The following CAMK1 variants were observed in gnomAD, a reference collection of about 807,000 sequenced individuals.
CAMK1 encodes calcium/calmodulin dependent protein kinase I.
CAMK1 carries 39 observed loss-of-function variants against 49.1 expected under a neutral mutation model. The observed-to-expected ratio is 0.79, with a 90% CI of 0.62 to 1.04. CAMK1 has a LOEUF of 1.04. Among genes scored for constraint, CAMK1 ranks in the 50% least tolerant of loss-of-function variants. CAMK1 has a pLI of 0.00. For synonymous variants in CAMK1, 192 were observed against 185.2 expected (o/e 1.04, Z -0.30); for missense variants, 457 against 472.2 (o/e 0.97, Z 0.30).
In CAMK1 at chr3:9,763,037, C is replaced by T. The variant is rs1180306959; in HGVS notation, c.306G>A (p.Glu102=). 1 of 1,614,006 alleles carries T rather than the reference C, an allele frequency of 6.2e-7. No individual in the cohort carries two copies. Among genetic ancestry groups the T allele is most frequent in the African/African-American group, 1.3e-5 (1 of 74,910 alleles). ...CTTTTTCCACAATACGGTCAAAGAG[C>T]TCCCCACCCGACACCCTGCAGCAGG... The part of the protein sequence containing the change: ...YLIMQLVSGG[E]LFDRIVEKGF... Residue 102 remains glutamate, a synonymous_variant, in exon 5 of 12, where the codon GAG becomes GAA. Transcript: ENST00000256460.
chr3:9,764,218 G>T (rs1166795766), intron 3 of CAMK1, among the ~76,000 whole-genome samples: 1 of 152,232 alleles, frequency 6.6e-6, no homozygotes, highest in East Asian at 1.9e-4. Flanking sequence ...GATCATGTGA[G>T]ATAATGCAGG....
In CAMK1 at chr3:9,765,748, G is replaced by A; in HGVS notation, c.215+11C>T. 1.2e-6 allele frequency: 2 copies of A among 1,613,640 alleles called. No individual in the cohort carries two copies. The highest frequency in any genetic ancestry group is 1.7e-6 in the Non-Finnish European group (2 of 1,179,884). On this transcript the variant is annotated intron_variant, in intron 3 of 11. Coordinates refer to ENST00000256460, the MANE Select transcript of CAMK1 (RefSeq NM_003656.5). ...TCAGCTTGGGGCAGGGAAAGGCTGTGGCCCACGCACTTGTGCAGGACAGCA... is the reference window on the plus strand; with the variant it reads ...TCAGCTTGGGGCAGGGAAAGGCTGTAGCCCACGCACTTGTGCAGGACAGCA...
intron 1 of CAMK1, 60 bp from the exon 2 acceptor site, chr3:9,767,841 C>A: frequency 6.4e-7 from 1 of 1,554,628 alleles, no homozygotes. Flanking sequence ...TGGGAATTTA[C>A]TGCAGGCCCC....
chr3:9,764,464 CA>C (rs906425408), intron 3 of CAMK1, among the ~76,000 whole-genome samples: 12 of 152,082 alleles, frequency 7.9e-5, no homozygotes, highest in South Asian at 2.1e-4. Flanking sequence ...AGGCATGCGC[CA>C]CCATGTCCAG....
At position 9,758,053 on chromosome 3, in the gene CAMK1, GTATC is replaced by G. The variant is rs1201318331; in HGVS notation, c.913-211_913-208del. ...ACACGCACATATGTTAGATGTATGT[GTATC>G]TATATATATAAATAGAAACATAACT... On this transcript the variant is annotated intron_variant, in intron 10 of 11. Transcript: ENST00000256460. 7 of 647,320 alleles carry G rather than the reference GTATC, an allele frequency of 1.1e-5. No individual in the cohort carries two copies. The East Asian group carries it at 2.1e-4, about 19-fold the overall frequency. 40.1% of individuals were successfully genotyped at this position (647,320 alleles called of 1,614,324 possible). A position where few individuals can be genotyped will look rare whatever the true frequency, so the allele number is the denominator to read the frequency against.
intron 2 of CAMK1, 25 bp from the exon 3 acceptor site, chr3:9,765,915 G>A (rs1178458744): frequency 6.2e-7 from 1 of 1,613,934 alleles, no homozygotes; most frequent in South Asian, 1.1e-5. Context: ...GATTCACAAG[G>A]TGAAGAACTG....
chr3:9,761,122 C>T, intron 7 of CAMK1: 1 of 333,014 alleles, frequency 3.0e-6, no homozygotes, highest in South Asian at 4.1e-5. Context: ...CCTATTCCTG[C>T]TTGGTTTTTC....
chr3:9,758,500 A>AC (rs2125564196), intron 10 of CAMK1: 1 of 155,116 alleles, frequency 6.4e-6, no homozygotes, highest in East Asian at 1.9e-4. Flanking sequence ...TCCTGGATCA[A>AC]CCACTGTTCT....
chr3:9,757,988 C>T lies in CAMK1; in HGVS notation c.913-142G>A. On this transcript the variant is annotated intron_variant, in intron 10 of 11. Transcript: ENST00000256460. This position sits in a 1 kb window ranked among gnomAD's most constrained non-coding sequence, Gnocchi z 4.5. ...TTTTATTAATTCCCCTAAAGCCCCCCAAAAACCTCTACAAGGCTTTATTAT... is the reference window on the plus strand; with the variant it reads ...TTTTATTAATTCCCCTAAAGCCCCCTAAAAACCTCTACAAGGCTTTATTAT... 1.4e-6 allele frequency: 2 copies of T among 1,385,248 alleles called. No individual in the cohort carries two copies. The highest frequency in any genetic ancestry group is 1.9e-6 in the Non-Finnish European group (2 of 1,046,418). 85.8% of individuals were successfully genotyped at this position (1,385,248 alleles called of 1,614,324 possible).
Position 9,758,777 on chromosome 3 carries a change from G to A in CAMK1, c.912+711C>T, listed in dbSNP as rs186976969. 1.3e-3 allele frequency: 285 copies of A among 227,044 alleles called. 3 individuals are homozygous for A. The highest frequency in any genetic ancestry group is 9.5e-3 in the Admixed American group (180 of 18,926). The allele number at this position is 227,044 out of a possible 1,614,324, so 14.1% of individuals were successfully genotyped here. On this transcript the variant is annotated intron_variant, in intron 10 of 11. Coordinates refer to ENST00000256460, the MANE Select transcript of CAMK1 (RefSeq NM_003656.5). The stretch of plus-strand genomic sequence containing the variant: ...CCCAAGTAGCTGGGATTACAGGCAC[G>A]CACCACCATGTGTGGCTAATTCTTT...
chr3:9,758,651 G>A (rs1470766446), intron 10 of CAMK1: 1 of 156,510 alleles, frequency 6.4e-6, no homozygotes, highest in African/African-American at 2.4e-5. Flanking sequence ...TTTTTTTGAG[G>A]TGGAGTCTCA....
rs1160369705 is a variant in CAMK1, at chr3:9,766,236, CAAAG to C, written c.84-350_84-347del. On this transcript the variant is annotated intron_variant, in intron 2 of 11. Transcript: ENST00000256460. ...AGCCTGCTTGGGAATGAAATTAACA[CAAAG>C]GAAGTCCAACCTGAGAAATGGCCAA... 2.0e-5 allele frequency: 14 copies of C among 716,428 alleles called. No individual in the cohort carries two copies. In the Admixed American group the frequency reaches 2.8e-4, roughly 14 times the overall value. 44.4% of individuals were successfully genotyped at this position (716,428 alleles called of 1,614,324 possible).
rs772644592 is a variant in CAMK1, at chr3:9,766,184, C to T, written c.84-294G>A. On this transcript the variant is annotated intron_variant, in intron 2 of 11. Coordinates refer to ENST00000256460, the MANE Select transcript of CAMK1 (RefSeq NM_003656.5). Reference sequence around the variant, plus strand: ...TAGGATGTAAGCCTGGAGCTAATGGCGATCATCTTTGCCACCACCTGGGGA... The same window carrying T: ...TAGGATGTAAGCCTGGAGCTAATGGTGATCATCTTTGCCACCACCTGGGGA... 51 of 836,860 alleles carry T rather than the reference C, an allele frequency of 6.1e-5. No individual in the cohort carries two copies. The Admixed American group carries it at 9.8e-4, about 16-fold the overall frequency. 51.8% of individuals were successfully genotyped at this position (836,860 alleles called of 1,614,324 possible).
chr3:9,763,087 G>C (rs1446937508), intron 4 of CAMK1, 35 bp from the exon 5 acceptor site: 5 of 1,614,046 alleles, frequency 3.1e-6, no homozygotes, highest in Middle Eastern at 1.6e-4. Context: ...GGCAAAGAGG[G>C]TTGGGACAGC....
In CAMK1 at chr3:9,766,049, A is replaced by G. The variant is rs149790709; in HGVS notation, c.84-159T>C. ...ATCCCCTGGCTCCAGAGATGGTCACATGACCCAGGCCTGGCCAGTCAAAGT... is the reference window on the plus strand; with the variant it reads ...ATCCCCTGGCTCCAGAGATGGTCACGTGACCCAGGCCTGGCCAGTCAAAGT... On this transcript the variant is annotated intron_variant, in intron 2 of 11. Coordinates refer to ENST00000256460, the MANE Select transcript of CAMK1 (RefSeq NM_003656.5). 8.1e-6 allele frequency: 13 copies of G among 1,599,094 alleles called. No homozygotes were observed. The Admixed American group carries it at 2.1e-4, about 26-fold the overall frequency.
intron 1 of CAMK1, 154 bp from the exon 2 acceptor site, chr3:9,767,935 A>C: frequency 2.8e-5 from 22 of 791,990 alleles, no homozygotes; most frequent in Non-Finnish European, 3.4e-5. Context: ...TGTTTATTCA[A>C]CATTCAGCAA....
At chr3:9,766,476 G>A (rs1451376587) in intron 2 of CAMK1, 3 of 383,610 alleles carry the variant, frequency 7.8e-6, no homozygotes, top group South Asian at 2.4e-5. Context: ...TTTGGATCCT[G>A]GGTCAAAAAA....
intron 7 of CAMK1, 76 bp from the exon 8 acceptor site, chr3:9,760,844 C>G: frequency 6.3e-7 from 1 of 1,595,732 alleles, no homozygotes; most frequent in Non-Finnish European, 8.5e-7. Context: ...GGGGCAGTCT[C>G]AGGGGTCAGG....
intron 1 of CAMK1, among the ~76,000 whole-genome samples, chr3:9,768,991 C>A (rs2078232369): frequency 6.6e-6 from 1 of 152,046 alleles, no homozygotes; most frequent in Admixed American, 6.6e-5. Context: ...CTGTAGCAGA[C>A]ATGCCACACC....
Sources: gnomAD v4.1 joint callset for allele counts (sites outside exome capture counted in the v4.1 genomes callset) on GRCh38, gnomAD v4.1.1 for gene constraint, Gnocchi (gnomAD v3.1) non-coding constraint, MANE v1.5 for transcripts, NCBI Gene and HGNC (gene_info 2026-07-23, HGNC 2026-07-21) for gene names.